Variants in SYT12 observed in about 807,000 individuals in gnomAD.
SYT12 encodes synaptotagmin 12.
Under a neutral mutation model 39.5 loss-of-function variants are expected in SYT12, and 27 were observed. The ratio of observed to expected loss-of-function variants is 0.68; its 90% CI spans 0.50 to 0.94. The LOEUF is 0.94. Among genes scored for constraint, SYT12 ranks in the 40% least tolerant of loss-of-function variants. SYT12 has a pLI of 0.00. For synonymous variants in SYT12, 233 were observed against 239.7 expected (o/e 0.97, Z 0.26); for missense variants, 536 against 572.6 (o/e 0.94, Z 0.65).
intron 3 of SYT12, among the ~76,000 whole-genome samples, chr11:67,017,324 C>T (rs577379481): frequency 2.6e-5 from 4 of 151,764 alleles, no homozygotes; most frequent in Non-Finnish European, 5.9e-5. Context: ...GAGTTCAAGA[C>T]CAGCCCGGGT....
In SYT12 at chr11:67,048,599, G is replaced by C. The variant is rs755634010; in HGVS notation, c.1108G>C (p.Val370Leu). Residue 370 changes from valine to leucine, a missense_variant, in exon 8 of 8, where the codon GTG becomes CTG. Physicochemically the swap from Val to Leu is conservative, Grantham distance 32. Transcript: ENST00000527043. ...AIVLQDLSLR[V>L]TVAESSSDGR... Reference sequence around the variant, plus strand: ...TCTTCCTCAGGACCTGTCTCTCCGCGTGACGGTGGCTGAGAGCAGCAGCGA... The same window carrying C: ...TCTTCCTCAGGACCTGTCTCTCCGCCTGACGGTGGCTGAGAGCAGCAGCGA... 6 of 1,602,288 alleles carry C rather than the reference G, an allele frequency of 3.7e-6. No individual in the cohort carries two copies. The East Asian group carries it at 1.3e-4, about 36-fold the overall frequency.
At chr11:67,022,638 GA>G (rs1950123373), upstream of SYT12, 1 of 152,270 alleles carries the variant, frequency 6.6e-6, no homozygotes, top group Admixed American at 6.5e-5. Flanking sequence ...TATGGAGTTT[GA>G]AGTCACACAG....
chr11:67,032,114 T>C (rs1292849842), intron 2 of SYT12: 2 of 152,284 alleles, frequency 1.3e-5, no homozygotes, highest in East Asian at 3.8e-4. Context: ...GACTATGTGC[T>C]GCGTGACTTT....
chr11:67,009,465 T>C (rs1949996151), intron 1 of SYT12, among the ~76,000 whole-genome samples: 1 of 152,182 alleles, frequency 6.6e-6, no homozygotes, highest in African/African-American at 2.4e-5. Flanking sequence ...CTAACTTTTG[T>C]ATTTTTAGTA....
upstream of SYT12, among the ~76,000 whole-genome samples, chr11:67,023,087 G>A (rs1179007980): frequency 5.3e-5 from 8 of 152,228 alleles, no homozygotes; most frequent in Admixed American, 4.6e-4. Context: ...GGAGCGAGGG[G>A]TTGGGCTTGG....
In SYT12 at chr11:67,048,813, C is replaced by G; in HGVS notation, c.*56C>G. The G allele has an allele frequency of 1.3e-6, 2 of 1,556,486 alleles. No individual in the cohort carries two copies. Among genetic ancestry groups the G allele is most frequent in the Admixed American group, 1.7e-5 (1 of 58,022 alleles). ...CTGCTGGAGCCCGGTACCCACTCAG[C>G]TCTGTCTGATGCCCTCTCCATAGCC... is the stretch of plus-strand genomic sequence containing the variant. On this transcript the variant is annotated 3_prime_UTR_variant, in exon 8 of 8. Transcript: ENST00000527043.
rs1854718878 is a variant in SYT12, at chr11:67,050,526, C to T, written c.*1769C>T. The T allele has an allele frequency of 6.6e-6, 1 of 152,462 alleles. No homozygotes were observed. The highest frequency in any genetic ancestry group is 1.5e-5 in the Non-Finnish European group (1 of 68,252). The allele number at this position is 152,462 out of a possible 1,614,324, so 9.4% of individuals were successfully genotyped here. A position where few individuals can be genotyped will look rare whatever the true frequency, so the allele number is the denominator to read the frequency against. On this transcript the variant is annotated 3_prime_UTR_variant, in exon 8 of 8. Coordinates refer to ENST00000527043, the MANE Select transcript of SYT12 (RefSeq NM_177963.4). Reference sequence around the variant, plus strand: ...TTTCCCTACCTGACACAGCCATGGCCCAGCCCCAAGGCCAGGCTGTCTACC... The same window carrying T: ...TTTCCCTACCTGACACAGCCATGGCTCAGCCCCAAGGCCAGGCTGTCTACC...
At chr11:67,019,327 C>T (rs1950085433), upstream of SYT12, among the ~76,000 whole-genome samples, 1 of 152,080 alleles carries the variant, frequency 6.6e-6, no homozygotes, top group African/African-American at 2.4e-5. Context: ...ACAAAATTAG[C>T]CGGGCGTGTT....
In SYT12 at chr11:67,040,039, C is replaced by G; in HGVS notation, c.457C>G (p.Leu153Val). 1 of 1,613,968 alleles carries G rather than the reference C, an allele frequency of 6.2e-7. No individual in the cohort carries two copies. The highest frequency in any genetic ancestry group is 2.2e-5 in the East Asian group (1 of 44,876). ...VSNTFGQDFT[L>V]GQVEVSMEYD... ...CAACACCTTTGGGCAGGACTTCACA[C>G]TGGGCCAGGTGGAGGTGAGCATGGA... is the stretch of plus-strand genomic sequence containing the variant. The change falls in exon 4 of 8, where the codon CTG becomes GTG. Residue 153 changes from leucine to valine, a missense_variant. By Grantham distance (32) the Leu-to-Val change is conservative. Transcript: ENST00000527043.
In SYT12 at chr11:67,035,191, T is replaced by C. The variant is rs1591366722; in HGVS notation, c.228+353T>C. 2.6e-5 allele frequency among the ~76,000 whole-genome samples: 4 copies of C among 151,896 alleles called. No individual in the cohort carries two copies. In the South Asian group the frequency reaches 8.3e-4, roughly 32 times the overall value. On this transcript the variant is annotated intron_variant, in intron 3 of 7. Transcript: ENST00000527043. ...TGCCTGGCCAATTTCATATTTTTAG[T>C]AGATACGGGGTTTCACCATGTTGGT...
At chr11:67,029,758 G>A in intron 1 of SYT12, 1 of 169,344 alleles carries the variant, frequency 5.9e-6, no homozygotes, top group Non-Finnish European at 1.3e-5. Flanking sequence ...GGAGGCTGAG[G>A]CAGGAGATCA....
chr11:67,048,612 A>G lies in SYT12; in HGVS notation c.1121A>G (p.Glu374Gly), dbSNP rs972189436. The G allele has an allele frequency of 2.5e-6, 4 of 1,604,874 alleles. No homozygotes were observed. Among genetic ancestry groups the G allele is most frequent in the Non-Finnish European group, 1.7e-6 (2 of 1,172,630 alleles). Residue 374 changes from glutamate to glycine, a missense_variant, in exon 8 of 8, where the codon GAG becomes GGG. Transcript: ENST00000527043. ...QDLSLRVTVA[E>G]SSSDGRGDNV... ...CTGTCTCTCCGCGTGACGGTGGCTG[A>G]GAGCAGCAGCGACGGCCGTGGGGAC... is the stretch of plus-strand genomic sequence containing the variant.
chr11:67,043,965 AT>A, intron 5 of SYT12, 112 bp downstream of exon 5: 1 of 1,040,354 alleles, frequency 9.6e-7, no homozygotes, highest in Non-Finnish European at 1.4e-6. Flanking sequence ...CCCCATCATC[AT>A]TAGGAGAGCA....
intron 1 of SYT12, chr11:67,026,799 A>G (rs569356685): frequency 1.3e-5 from 2 of 152,312 alleles, no homozygotes; most frequent in East Asian, 3.9e-4. Flanking sequence ...CAATTTTAAA[A>G]TGTTGGCAAC....
At position 67,040,150 on chromosome 11, in the gene SYT12, T is replaced by C. The variant is rs1395537727; in HGVS notation, c.568T>C (p.Cys190Arg). The C allele has an allele frequency of 1.2e-5, 20 of 1,605,956 alleles. No homozygotes were observed. The highest frequency in any genetic ancestry group is 1.6e-5 in the Non-Finnish European group (19 of 1,174,834). The change falls in exon 4 of 8, where the codon TGC becomes CGC. Residue 190 changes from cysteine to arginine, a missense_variant. Transcript: ENST00000527043. ...LEREEASFESCFMRVSLLPDE... is the reference protein window; with the variant it reads ...LEREEASFESRFMRVSLLPDE... Reference sequence around the variant, plus strand: ...GCGGGAGGAGGCCAGCTTCGAGTCCTGCTTCATGCGCGTCAGCCTGCTGCC... The same window carrying C: ...GCGGGAGGAGGCCAGCTTCGAGTCCCGCTTCATGCGCGTCAGCCTGCTGCC...
chr11:67,015,095 C>T lies in SYT12; in HGVS notation c.-69+4101C>T, dbSNP rs191263639. The stretch of plus-strand genomic sequence containing the variant: ...TAAACTCCTTCACCCAATTCGGTCT[C>T]TCTGGCCCCTTACTTTCCCACAACA... On this transcript the variant is annotated intron_variant, in intron 3 of 10. Transcript: ENST00000393946. Among the ~76,000 whole-genome samples, 5 of 152,342 alleles carry T rather than the reference C, an allele frequency of 3.3e-5. No homozygotes were observed. In the East Asian group the frequency reaches 7.7e-4, roughly 24 times the overall value.
intron 1 of SYT12, 164 bp from the exon 2 acceptor site, chr11:67,029,958 T>C: frequency 1.7e-6 from 1 of 592,524 alleles, no homozygotes; most frequent in South Asian, 2.2e-5. Flanking sequence ...GAAAAGAGCT[T>C]TAAACATCAT....
intron 3 of SYT12, among the ~76,000 whole-genome samples, chr11:67,015,333 GC>G (rs1272151947): frequency 2.6e-5 from 4 of 152,242 alleles, no homozygotes; most frequent in African/African-American, 7.2e-5. Context: ...CCTCAGCCTG[GC>G]CCCATGAGTG....
At position 67,033,256 on chromosome 11, in the gene SYT12, C is replaced by CTCATATCTCAGCT. The variant is rs1950303949; in HGVS notation, c.35-1387_35-1375dup. ...TGGCCTGGCACACTTCTTGCCCCTC[C>CTCATATCTCAGCT]TCATATCTCAGCTTACATGTCCCTC... On this transcript the variant is annotated intron_variant, in intron 2 of 7. Transcript: ENST00000527043. Among the ~76,000 whole-genome samples the CTCATATCTCAGCT allele has an allele frequency of 2.6e-5, 4 of 152,258 alleles. No homozygotes were observed. In the South Asian group the frequency reaches 8.3e-4, roughly 32 times the overall value.
Sources: allele counts gnomAD v4.1 joint callset (sites outside exome capture counted in the v4.1 genomes callset), GRCh38; gene constraint gnomAD v4.1.1; transcripts MANE v1.5; gene names NCBI Gene and HGNC (gene_info 2026-07-23, HGNC 2026-07-21).